Variants in CNTNAP4 observed in about 807,000 individuals in gnomAD.
CNTNAP4 encodes contactin-associated protein-like 4.
A neutral mutation model predicts 148.4 loss-of-function variants in CNTNAP4; 98 were observed. The ratio of observed to expected loss-of-function variants is 0.66; its 90% CI spans 0.56 to 0.78. CNTNAP4 has a LOEUF of 0.78. CNTNAP4 is among the 30% of genes least tolerant of loss of function. The probability of loss-of-function intolerance (pLI) is 0.00; values close to 1 mark genes in which losing one functional copy is unlikely to be tolerated. For missense variants in CNTNAP4, 1,935 were observed against 1,565.6 expected, an observed-to-expected ratio of 1.24 and a Z score of -3.98; for synonymous variants, 730 against 565.1, an observed-to-expected ratio of 1.29 and a Z score of -4.14.
At chr16:76,315,413 T>G (rs1245332516) in intron 1 of CNTNAP4, among the ~76,000 whole-genome samples, 1 of 152,220 alleles carries the variant, frequency 6.6e-6, no homozygotes, top group Non-Finnish European at 1.5e-5. Flanking sequence ...AATATACGTC[T>G]AATGACAAGT....
intron 1 of CNTNAP4, among the ~76,000 whole-genome samples, chr16:76,299,203 G>T (rs990637437): frequency 1.3e-5 from 2 of 152,106 alleles, no homozygotes; most frequent in Admixed American, 1.3e-4. Context: ...CCATCAGAGT[G>T]AACAGGCAAC....
At chr16:76,558,387 C>A in intron 23 of CNTNAP4, 103 bp from the exon 24 acceptor site, 2 of 631,664 alleles carry the variant, frequency 3.2e-6, no homozygotes, top group Non-Finnish European at 5.5e-6. Flanking sequence ...GTAGTAGATG[C>A]TTAAAGTGGA....
intron 3 of CNTNAP4, among the ~76,000 whole-genome samples, chr16:76,395,267 ATTCT>A (rs966138670): frequency 3.7e-5 from 5 of 135,210 alleles, no homozygotes; most frequent in Admixed American, 3.1e-4. Context: ...CAGGCCAAAG[ATTCT>A]TTTTTTTTTT....
chr16:76,376,522 C>T (rs1017443236), intron 3 of CNTNAP4, among the ~76,000 whole-genome samples: 6 of 152,148 alleles, frequency 3.9e-5, no homozygotes, highest in Non-Finnish European at 7.3e-5. Context: ...GCAAAGAGAT[C>T]GTATATTTAC....
intron 3 of CNTNAP4, among the ~76,000 whole-genome samples, chr16:76,392,502 TA>T (rs1244178790): frequency 5.3e-5 from 8 of 152,150 alleles, no homozygotes; most frequent in African/African-American, 1.9e-4. Flanking sequence ...CTTCATTATA[TA>T]TATTTTTTTC....
intron 3 of CNTNAP4, among the ~76,000 whole-genome samples, chr16:76,369,468 G>T (rs1226657320): frequency 3.3e-5 from 5 of 152,158 alleles, no homozygotes; most frequent in African/African-American, 1.2e-4. Context: ...GAAAGCTGGT[G>T]GTCTAATTTA....
chr16:76,494,419 G>A (rs1049609398), intron 13 of CNTNAP4, among the ~76,000 whole-genome samples: 5 of 152,010 alleles, frequency 3.3e-5, no homozygotes, highest in African/African-American at 9.7e-5. Context: ...CATGCCTAAC[G>A]TTTTTTAACA....
intron 1 of CNTNAP4, among the ~76,000 whole-genome samples, chr16:76,302,396 G>T (rs1027402263): frequency 6.6e-6 from 1 of 152,024 alleles, no homozygotes; most frequent in Non-Finnish European, 1.5e-5. Flanking sequence ...CTGAACCTCC[G>T]TTTATGGGCT....
At position 76,553,865 on chromosome 16, in the gene CNTNAP4, C is replaced by G. The variant is rs1191950716; in HGVS notation, c.3691C>G (p.Pro1231Ala). The part of the protein sequence containing the change: ...DHSGTIDDRE[P>A]LANAIKSDSA... ...TTCTGGAACAATAGATGACAGAGAG[C>G]CCCTTGCTAATGCAATCAAAAGTGA... The change falls in exon 23 of 24, where the codon CCC becomes GCC. Residue 1231 changes from proline (P) to alanine (A), a missense_variant. Transcript: ENST00000611870. 1 of 1,611,824 alleles carries G rather than the reference C, an allele frequency of 6.2e-7. No individual in the cohort carries two copies. The highest frequency in any genetic ancestry group is 1.3e-5 in the African/African-American group (1 of 74,902).
At chr16:76,330,876 T>C (rs141253077) in intron 2 of CNTNAP4, among the ~76,000 whole-genome samples, 274 of 152,280 alleles carry the variant, frequency 1.8e-3, no homozygotes, top group African/African-American at 6.2e-3. Context: ...AAATAAAACA[T>C]ATGAACCGGG....
At chr16:76,362,662 C>T (rs1460300356) in intron 3 of CNTNAP4, among the ~76,000 whole-genome samples, 1 of 152,034 alleles carries the variant, frequency 6.6e-6, no homozygotes, top group Non-Finnish European at 1.5e-5. Flanking sequence ...GAACAGAAAA[C>T]CAAATACTGC....
intron 15 of CNTNAP4, among the ~76,000 whole-genome samples, chr16:76,519,345 C>T (rs374531577): frequency 1.3e-5 from 2 of 152,080 alleles, no homozygotes; most frequent in East Asian, 1.9e-4. Flanking sequence ...AATTGTTCAT[C>T]TGGTTCAAGC....
intron 1 of CNTNAP4, among the ~76,000 whole-genome samples, chr16:76,299,875 A>C (rs9924718): frequency 0.027 from 4,136 of 152,158 alleles, 183 homozygotes; most frequent in African/African-American, 0.093. Context: ...AACCATCATT[A>C]TCAGCAAACT....
At chr16:76,338,588 C>G (rs1247809414) in intron 2 of CNTNAP4, among the ~76,000 whole-genome samples, 1 of 152,180 alleles carries the variant, frequency 6.6e-6, no homozygotes, top group Non-Finnish European at 1.5e-5. Flanking sequence ...CTGAACTTCT[C>G]AAGTGCTCAT....
At chr16:76,412,058 A>C (rs899571896) in intron 3 of CNTNAP4, among the ~76,000 whole-genome samples, 3 of 151,456 alleles carry the variant, frequency 2.0e-5, no homozygotes, top group Non-Finnish European at 3.0e-5. Flanking sequence ...TACTATATGA[A>C]CTTTTAAATA....
intron 15 of CNTNAP4, among the ~76,000 whole-genome samples, chr16:76,513,016 G>A (rs1362270220): frequency 3.3e-5 from 5 of 152,106 alleles, no homozygotes; most frequent in Admixed American, 3.3e-4. Flanking sequence ...AATAGTGGGA[G>A]GAAAAAATGT....
At chr16:76,467,101 G>T (rs924498155) in intron 9 of CNTNAP4, among the ~76,000 whole-genome samples, 8 of 152,022 alleles carry the variant, frequency 5.3e-5, no homozygotes, top group African/African-American at 1.9e-4. Flanking sequence ...TTCAAATCTA[G>T]ATCAAGTTAA....
chr16:76,521,267 A>G lies in CNTNAP4; in HGVS notation c.2493A>G (p.Leu831=), dbSNP rs1419868199. Residue 831 remains leucine, a synonymous_variant, in exon 16 of 24, where the codon TTA becomes TTG. Coordinates refer to ENST00000611870, the MANE Select transcript of CNTNAP4 (RefSeq NM_033401.5). ...FKTTASSGVF[L]ENLGIADFIR... ...CAACAGCTTCATCTGGGGTATTTTTAGAGAACTTGGGGATTGCTGATTTTA... is the reference window on the plus strand; with the variant it reads ...CAACAGCTTCATCTGGGGTATTTTTGGAGAACTTGGGGATTGCTGATTTTA... 4 of 1,612,760 alleles carry G rather than the reference A, an allele frequency of 2.5e-6. No homozygotes were observed. Among genetic ancestry groups the G allele is most frequent in the Non-Finnish European group, 3.4e-6 (4 of 1,179,394 alleles).
chr16:76,443,714 T>C (rs1368313285), intron 4 of CNTNAP4, among the ~76,000 whole-genome samples: 1 of 152,256 alleles, frequency 6.6e-6, no homozygotes, highest in Admixed American at 6.5e-5. Flanking sequence ...TATTGATTTG[T>C]ACTAATTTTA....
Sources: allele counts gnomAD v4.1 joint callset (sites outside exome capture counted in the v4.1 genomes callset), GRCh38; gene constraint gnomAD v4.1.1; transcripts MANE v1.5; gene names NCBI Gene and HGNC (gene_info 2026-07-23, HGNC 2026-07-21).